The following GULP1 variants were observed in gnomAD, a reference collection of about 807,000 sequenced individuals.
The protein encoded by GULP1 is GULP PTB domain containing engulfment adaptor 1.
A neutral mutation model predicts 40.9 loss-of-function variants in GULP1; 19 were observed. The observed-to-expected ratio is 0.46, with a 90% CI of 0.32 to 0.68. The LOEUF is 0.68. Among genes scored for constraint, GULP1 ranks in the 30% least tolerant of loss-of-function variants. The pLI is 0.03. For missense variants in GULP1, 312 were observed against 362.2 expected (o/e 0.86, Z 1.12); for synonymous variants, 119 against 117.6 (o/e 1.01, Z -0.08).
At chr2:188,507,297 G>A (rs554395370) in intron 4 of GULP1, among the ~76,000 whole-genome samples, 9 of 151,864 alleles carry the variant, frequency 5.9e-5, no homozygotes, top group African/African-American at 2.2e-4. Context: ...AATTTATTGG[G>A]CTTTATGGAG....
intron 2 of GULP1, among the ~76,000 whole-genome samples, chr2:188,454,487 G>A (rs1028961713): frequency 6.6e-6 from 1 of 152,174 alleles, no homozygotes. Flanking sequence ...AAGCATGCCA[G>A]ACAGGAAGAC....
intron 4 of GULP1, among the ~76,000 whole-genome samples, chr2:188,484,912 A>G (rs894676744): frequency 7.9e-5 from 12 of 152,160 alleles, no homozygotes; most frequent in African/African-American, 1.2e-4. Context: ...TAAACTTAAC[A>G]TAAAGGCTGA....
At chr2:188,433,777 A>G (rs1305001876) in intron 2 of GULP1, among the ~76,000 whole-genome samples, 3 of 152,096 alleles carry the variant, frequency 2.0e-5, no homozygotes, top group African/African-American at 4.8e-5. Context: ...ATGCATGACC[A>G]TGGCTTGTAA....
rs1246429554 is a variant in GULP1 at position 188,595,605 on chromosome 2, CT to C, written c.*1601del. The C allele has an allele frequency of 2.6e-5, 4 of 151,808 alleles. No homozygotes were observed. The highest frequency in any genetic ancestry group is 6.6e-5 in the Admixed American group (1 of 15,150). The allele number at this position is 151,808 out of a possible 1,614,324, so 9.4% of individuals were successfully genotyped here. A position where few individuals can be genotyped will look rare whatever the true frequency, so the allele number is the denominator to read the frequency against. ...GGATGTTTAGAAGCCATATAAGTGG[CT>C]TTTTTTAACAGATAGAATTTGTATT... On this transcript the variant is annotated 3_prime_UTR_variant, in exon 12 of 12. Coordinates refer to ENST00000409830, the MANE Select transcript of GULP1 (RefSeq NM_016315.4).
intron 6 of GULP1, among the ~76,000 whole-genome samples, chr2:188,531,762 A>G (rs1687601989): frequency 6.6e-6 from 1 of 152,244 alleles, no homozygotes; most frequent in South Asian, 2.1e-4. Flanking sequence ...CATAAAGAAC[A>G]ATAGACCAAG....
At position 188,543,014 on chromosome 2, in the gene GULP1, C is replaced by A. The variant is rs551040531; in HGVS notation, c.399+1696C>A. Among the ~76,000 whole-genome samples, 55 of 152,078 alleles carry A rather than the reference C, an allele frequency of 3.6e-4. 1 individual carries two copies. The South Asian group carries it at 0.011, about 31-fold the overall frequency. ...AGATTTGTGCCATTTGTTTTATATT[C>A]TTTGATCCCTATCCAAATTTGTTAA... is the stretch of plus-strand genomic sequence containing the variant. On this transcript the variant is annotated intron_variant, in intron 7 of 11. Transcript: ENST00000409830.
chr2:188,572,838 G>A (rs1699354492), intron 9 of GULP1, among the ~76,000 whole-genome samples: 1 of 152,134 alleles, frequency 6.6e-6, no homozygotes, highest in African/African-American at 2.4e-5. Flanking sequence ...GTAGACTAGT[G>A]GTTGCTGGGG....
chr2:188,574,139 T>C (rs1052544667), intron 9 of GULP1, among the ~76,000 whole-genome samples: 2 of 152,156 alleles, frequency 1.3e-5, no homozygotes. Context: ...TATTTAATCT[T>C]AGCTTTAGTA....
intron 1 of GULP1, among the ~76,000 whole-genome samples, chr2:188,357,298 A>G (rs1242609227): frequency 6.6e-6 from 1 of 152,190 alleles, no homozygotes; most frequent in Non-Finnish European, 1.5e-5. Flanking sequence ...AATATTTGCA[A>G]ACTATTCATC....
At chr2:188,423,256 T>C (rs1024567589) in intron 2 of GULP1, among the ~76,000 whole-genome samples, 3 of 152,062 alleles carry the variant, frequency 2.0e-5, no homozygotes, top group Non-Finnish European at 4.4e-5. Context: ...CATCTTATTT[T>C]AAAAGATGAA....
intron 1 of GULP1, among the ~76,000 whole-genome samples, chr2:188,317,968 T>C (rs1444345309): frequency 6.6e-6 from 1 of 152,152 alleles, no homozygotes; most frequent in Non-Finnish European, 1.5e-5. Context: ...GGCAAACTAA[T>C]CTTTAGTGTC....
intron 2 of GULP1, among the ~76,000 whole-genome samples, chr2:188,449,469 G>A (rs933243543): frequency 2.4e-4 from 36 of 152,262 alleles, no homozygotes; most frequent in African/African-American, 7.9e-4. Context: ...AGGATATTGT[G>A]TAGAATGAAT....
intron 1 of GULP1, among the ~76,000 whole-genome samples, chr2:188,338,279 A>ATT (rs202235413): frequency 1.0e-4 from 14 of 138,508 alleles, no homozygotes; most frequent in Admixed American, 2.2e-4. Flanking sequence ...GGGGAAAACA[A>ATT]TTTTTTTTTT....
intron 9 of GULP1, among the ~76,000 whole-genome samples, chr2:188,570,610 C>A (rs1698816086): frequency 6.6e-6 from 1 of 152,128 alleles, no homozygotes; most frequent in South Asian, 2.1e-4. Flanking sequence ...GTATTCTCTG[C>A]AGACAAAACT....
At chr2:188,443,549 T>A (rs1037320193) in intron 2 of GULP1, among the ~76,000 whole-genome samples, 1 of 152,122 alleles carries the variant, frequency 6.6e-6, no homozygotes, top group Non-Finnish European at 1.5e-5. Flanking sequence ...TAAAATGGAG[T>A]TTCACTCATC....
chr2:188,513,313 T>C (rs956192375), intron 4 of GULP1, among the ~76,000 whole-genome samples: 3 of 152,156 alleles, frequency 2.0e-5, no homozygotes, highest in African/African-American at 2.4e-5. Context: ...ATATTCTAAA[T>C]TTCCCATCTG....
intron 4 of GULP1, among the ~76,000 whole-genome samples, chr2:188,497,461 CTT>C (rs1387851962): frequency 6.6e-6 from 1 of 151,894 alleles, no homozygotes; most frequent in East Asian, 1.9e-4. Context: ...ACTATTATAA[CTT>C]AAAATGACTT....
intron 1 of GULP1, among the ~76,000 whole-genome samples, chr2:188,381,037 T>C (rs1291574097): frequency 6.6e-6 from 1 of 152,146 alleles, no homozygotes; most frequent in African/African-American, 2.4e-5. Flanking sequence ...GAGCATATTA[T>C]GTTCATACTA....
At chr2:188,528,149 A>G (rs1686656092) in intron 5 of GULP1, among the ~76,000 whole-genome samples, 1 of 152,152 alleles carries the variant, frequency 6.6e-6, no homozygotes, top group African/African-American at 2.4e-5. Flanking sequence ...TAAAATTGCC[A>G]ATTAAAATCA....
Sources: gnomAD v4.1 joint callset for allele counts (sites outside exome capture counted in the v4.1 genomes callset) on GRCh38, gnomAD v4.1.1 for gene constraint, MANE v1.5 for transcripts, NCBI Gene and HGNC (gene_info 2026-07-23, HGNC 2026-07-21) for gene names.